CLNK: variants seen among roughly 807,000 people sequenced by gnomAD.
CLNK encodes the protein cytokine dependent hematopoietic cell linker, also known as cytokine-dependent hematopoietic cell linker.
In CLNK, 74 loss-of-function variants were observed where a neutral mutation model predicts 68.6. The observed-to-expected ratio is 1.08, with a 90% CI of 0.89 to 1.31. CLNK has a LOEUF of 1.31. Among genes scored for constraint, CLNK ranks in the 50% most tolerant of loss-of-function variants. The pLI is 0.00. For missense variants in CLNK, 553 were observed against 515.3 expected, an observed-to-expected ratio of 1.07 and a Z score of -0.71; for synonymous variants, 198 against 172.2, an observed-to-expected ratio of 1.15 and a Z score of -1.17.
At chr4:10,665,249 G>A (rs1198951712) in intron 2 of CLNK, among the ~76,000 whole-genome samples, 1 of 152,210 alleles carries the variant, frequency 6.6e-6, no homozygotes, top group Non-Finnish European at 1.5e-5. Context: ...TGGAAAGCTT[G>A]GTGAGAAGCC....
rs1719251250 is a variant in CLNK, at chr4:10,546,812, G to T, written c.446-4532C>A. Among the ~76,000 whole-genome samples the T allele has an allele frequency of 2.6e-5, 4 of 152,084 alleles. No individual in the cohort carries two copies. The South Asian group carries it at 8.3e-4, about 32-fold the overall frequency. On this transcript the variant is annotated intron_variant, in intron 8 of 18. Transcript: ENST00000226951. ...CTAGGTGATGATTTATATGCAAAAG[G>T]AATTTATTTCTTTCAGTTGTGGAGG...
At chr4:10,608,214 A>G (rs1239955081) in intron 2 of CLNK, among the ~76,000 whole-genome samples, 1 of 152,338 alleles carries the variant, frequency 6.6e-6, no homozygotes, top group Middle Eastern at 3.4e-3. Flanking sequence ...TATCTTAGTT[A>G]TCATTTCAAC....
chr4:10,504,422 A>G (rs181041213), intron 17 of CLNK, among the ~76,000 whole-genome samples: 5 of 152,216 alleles, frequency 3.3e-5, no homozygotes, highest in Admixed American at 3.3e-4. Flanking sequence ...GTGCCCCGCC[A>G]TAAACGTTGG....
the CLNK span, among the ~76,000 whole-genome samples, chr4:10,720,343 T>A: frequency 6.6e-6 from 1 of 152,016 alleles, no homozygotes; most frequent in African/African-American, 2.4e-5. Flanking sequence ...TGACTAGGAA[T>A]GAAAGATTAC....
At chr4:10,730,168 C>T in the CLNK span, among the ~76,000 whole-genome samples, 12,558 of 152,196 alleles carry the variant, frequency 0.083, 605 homozygotes, top group East Asian at 0.18. Flanking sequence ...GGCAAGCTCA[C>T]GGTCTGCATA....
chr4:10,563,721 A>G (rs1333923072), intron 7 of CLNK, among the ~76,000 whole-genome samples: 3 of 152,164 alleles, frequency 2.0e-5, no homozygotes, highest in Non-Finnish European at 2.9e-5. Context: ...AGCCTGACCA[A>G]CATGGTGAAA....
chr4:10,601,554 C>T (rs967554936), intron 2 of CLNK, among the ~76,000 whole-genome samples: 1 of 152,176 alleles, frequency 6.6e-6, no homozygotes, highest in Non-Finnish European at 1.5e-5. Flanking sequence ...TATAAACTCT[C>T]AACACATCAC....
At position 10,559,468 on chromosome 4, in the gene CLNK, G is replaced by C. The variant is rs183772086; in HGVS notation, c.400-1016C>G. Among the ~76,000 whole-genome samples the C allele has an allele frequency of 2.6e-5, 4 of 152,248 alleles. No individual in the cohort carries two copies. In the East Asian group the frequency reaches 7.7e-4, roughly 29 times the overall value. ...TCTCCAGGGTTACCTTGTGGGGACT[G>C]GGGTGCCAGAGGGTTTTTTCAATGT... On this transcript the variant is annotated intron_variant, in intron 7 of 18. Transcript: ENST00000226951.
chr4:10,703,459 T>C, the CLNK span, among the ~76,000 whole-genome samples: 1 of 152,226 alleles, frequency 6.6e-6, no homozygotes, highest in Non-Finnish European at 1.5e-5. Context: ...TGCTATGTGC[T>C]CCTGGGTTTC....
Position 10,613,299 on chromosome 4 carries a change from C to T in CLNK, c.12-15250G>A, listed in dbSNP as rs1434426468. ...TAGTCCTTGGGGTGGTCAAGGTGAG[C>T]CTTGCTGGAAAGATGGGAACAGGGA... On this transcript the variant is annotated intron_variant, in intron 2 of 18. Transcript: ENST00000226951. Among the ~76,000 whole-genome samples, 3 of 152,016 alleles carry T rather than the reference C, an allele frequency of 2.0e-5. No homozygotes were observed. The East Asian group carries it at 5.8e-4, about 29-fold the overall frequency.
chr4:10,571,548 T>C (rs1720352942), intron 5 of CLNK, among the ~76,000 whole-genome samples, 193 bp downstream of exon 5: 2 of 151,920 alleles, frequency 1.3e-5, no homozygotes, highest in African/African-American at 4.8e-5. Flanking sequence ...GTTAGCCAGG[T>C]TGGTCTTGAA....
At chr4:10,614,363 A>T (rs1011260985) in intron 2 of CLNK, among the ~76,000 whole-genome samples, 1 of 152,160 alleles carries the variant, frequency 6.6e-6, no homozygotes, top group Non-Finnish European at 1.5e-5. Flanking sequence ...CCCTTAAGTA[A>T]GGCTGAGTTT....
At chr4:10,494,812 C>T (rs1168591321) in intron 18 of CLNK, among the ~76,000 whole-genome samples, 3 of 151,942 alleles carry the variant, frequency 2.0e-5, no homozygotes, top group Admixed American at 1.3e-4. Context: ...GAAATATTGC[C>T]CTGAAGAGAC....
At chr4:10,681,873 C>A (rs546533197) in intron 1 of CLNK, among the ~76,000 whole-genome samples, 1 of 152,252 alleles carries the variant, frequency 6.6e-6, no homozygotes, top group South Asian at 2.1e-4. Flanking sequence ...CCTGCCTGAA[C>A]TTCAGAATCC....
intron 3 of CLNK, among the ~76,000 whole-genome samples, chr4:10,592,978 C>A (rs185137128): frequency 1.2e-3 from 180 of 152,264 alleles, no homozygotes; most frequent in African/African-American, 4.2e-3. Context: ...CCACCCATCT[C>A]AGCCTCCCAA....
chr4:10,708,787 T>C, the CLNK span, among the ~76,000 whole-genome samples: 1 of 152,214 alleles, frequency 6.6e-6, no homozygotes, highest in Non-Finnish European at 1.5e-5. Context: ...GGACGTTTCA[T>C]GCATGTTGAA....
Position 10,564,653 on chromosome 4 carries a change from T to C in CLNK, c.399+18A>G. On this transcript the variant is annotated intron_variant, in intron 7 of 18. Transcript: ENST00000226951. ...AGCCCTACACATGTTTGTGTCACAA[T>C]GTCCAGTCTTTACTCACTCTTTCCA... 6.5e-7 allele frequency: 1 copy of C among 1,534,330 alleles called. No individual in the cohort carries two copies. The highest frequency in any genetic ancestry group is 9.0e-7 in the Non-Finnish European group (1 of 1,107,590).
intron 18 of CLNK, among the ~76,000 whole-genome samples, chr4:10,494,616 C>A (rs1047418802): frequency 1.3e-5 from 2 of 152,068 alleles, no homozygotes; most frequent in Admixed American, 1.3e-4. Context: ...TGCCATGGCG[C>A]GCAGCTAACT....
rs1269263604 is a variant in CLNK, at chr4:10,639,051, C to T, written c.11+28808G>A. Among the ~76,000 whole-genome samples the T allele has an allele frequency of 3.3e-5, 5 of 152,336 alleles. No individual in the cohort carries two copies. The East Asian group carries it at 7.7e-4, about 23-fold the overall frequency. Reference sequence around the variant, plus strand: ...TGCATGTTTATGGGACACAGTTTGGCTCATATCAGACGCCTTCCAGAAGAC... The same window carrying T: ...TGCATGTTTATGGGACACAGTTTGGTTCATATCAGACGCCTTCCAGAAGAC... On this transcript the variant is annotated intron_variant, in intron 2 of 18. Coordinates refer to ENST00000226951, the MANE Select transcript of CLNK (RefSeq NM_052964.4).
Sources: gnomAD v4.1 joint callset for allele counts (sites outside exome capture counted in the v4.1 genomes callset) on GRCh38, gnomAD v4.1.1 for gene constraint, MANE v1.5 for transcripts, NCBI Gene and HGNC (gene_info 2026-07-23, HGNC 2026-07-21) for gene names.